Variants in ALPK2 observed in about 807,000 individuals in gnomAD.
ALPK2 encodes alpha-protein kinase 2.
Under a neutral mutation model 163.1 loss-of-function variants are expected in ALPK2, and 127 were observed. The ratio of observed to expected loss-of-function variants is 0.78; its 90% CI spans 0.67 to 0.90. The LOEUF is 0.90. Among genes scored for constraint, ALPK2 ranks in the 40% least tolerant of loss-of-function variants. The probability of loss-of-function intolerance (pLI) is 0.00; values close to 1 mark genes in which losing one functional copy is unlikely to be tolerated. For missense variants in ALPK2, 2,360 were observed against 2,589.6 expected (o/e 0.91, Z 1.92); for synonymous variants, 953 against 959.1 (o/e 0.99, Z 0.12).
In ALPK2 at chr18:58,535,970, A is replaced by G. The variant is rs1433911615; in HGVS notation, c.4217T>C (p.Ile1406Thr). ...PKILESSVDP[I>T]DEISVIEYTR... ...GTACTCTATCACACTTATCTCATCA[A>G]TGGGATCTACAGAGGACTCTAGGAT... Residue 1406 changes from isoleucine (I) to threonine (T), a missense_variant, in exon 5 of 13, where the codon ATT becomes ACT. Coordinates refer to ENST00000361673, the MANE Select transcript of ALPK2 (RefSeq NM_052947.4). The G allele has an allele frequency of 2.5e-6, 4 of 1,614,042 alleles. No individual in the cohort carries two copies. The highest frequency in any genetic ancestry group is 3.4e-6 in the Non-Finnish European group (4 of 1,180,024).
chr18:58,499,493 A>T (rs1027797138), intron 11 of ALPK2, among the ~76,000 whole-genome samples: 2 of 152,152 alleles, frequency 1.3e-5, no homozygotes, highest in African/African-American at 4.8e-5. Context: ...TGATGCCCAG[A>T]GTGTGGATTC....
At position 58,580,432 on chromosome 18, in the gene ALPK2, G is replaced by A; in HGVS notation, c.344C>T (p.Pro115Leu). ...ECSSENPQLS[P>L]NLEDDRDRGW... ...CCTGTCCCTGTCATCTTCCAGGTTA[G>A]GAGACAATTGTGGGTTCTCTGATGA... The change falls in exon 4 of 13, where the codon CCT becomes CTT. Residue 115 changes from proline to leucine, a missense_variant. Coordinates refer to ENST00000361673, the MANE Select transcript of ALPK2 (RefSeq NM_052947.4). 2 of 1,614,168 alleles carry A rather than the reference G, an allele frequency of 1.2e-6. No homozygotes were observed. The highest frequency in any genetic ancestry group is 1.7e-6 in the Non-Finnish European group (2 of 1,180,040).
At chr18:58,526,706 TTTC>T (rs1195842595) in intron 6 of ALPK2, among the ~76,000 whole-genome samples, 4 of 152,182 alleles carry the variant, frequency 2.6e-5, no homozygotes, top group Non-Finnish European at 5.9e-5. Flanking sequence ...AAGCTACCAC[TTTC>T]TTCTTCTTGG....
intron 4 of ALPK2, among the ~76,000 whole-genome samples, chr18:58,556,602 A>G (rs2051793935): frequency 6.6e-6 from 1 of 152,204 alleles, no homozygotes; most frequent in African/African-American, 2.4e-5. Context: ...AGGGTGGGGC[A>G]TATTTAATCC....
At chr18:58,605,694 G>A (rs1172365964) in intron 3 of ALPK2, among the ~76,000 whole-genome samples, 1 of 152,210 alleles carries the variant, frequency 6.6e-6, no homozygotes, top group African/African-American at 2.4e-5. Context: ...AGCTGAATGG[G>A]ATAAAGACGA....
chr18:58,610,667 C>T (rs539460146), intron 2 of ALPK2, among the ~76,000 whole-genome samples: 10 of 152,298 alleles, frequency 6.6e-5, no homozygotes, highest in East Asian at 1.9e-4. Flanking sequence ...TAGGGCCAGG[C>T]GCGGTGGCTC....
chr18:58,535,611 G>C lies in ALPK2; in HGVS notation c.4576C>G (p.Gln1526Glu), dbSNP rs1256729272. Residue 1526 changes from glutamine (Q) to glutamate (E), a missense_variant, in exon 5 of 13, where the codon CAA becomes GAA. Coordinates refer to ENST00000361673, the MANE Select transcript of ALPK2 (RefSeq NM_052947.4). ...SSDGSLGEAE[Q>E]SKKDKAELIS... is the part of the protein sequence containing the mutation. ...AATTCTGCTTTGTCCTTTTTGCTTTGCTCAGCCTCCCCTAAGCTCCCATCA... is the reference window on the plus strand; with the variant it reads ...AATTCTGCTTTGTCCTTTTTGCTTTCCTCAGCCTCCCCTAAGCTCCCATCA... The C allele has an allele frequency of 1.2e-6, 2 of 1,614,108 alleles. No individual in the cohort carries two copies. Among genetic ancestry groups the C allele is most frequent in the Admixed American group, 3.3e-5 (2 of 60,028 alleles).
intron 5 of ALPK2, among the ~76,000 whole-genome samples, chr18:58,533,151 G>T (rs910636006): frequency 1.3e-5 from 2 of 152,218 alleles, no homozygotes; most frequent in Non-Finnish European, 2.9e-5. Flanking sequence ...CCAGAAGGCG[G>T]CATGCTCGGT....
At position 58,503,934 on chromosome 18, in the gene ALPK2, G is replaced by C. The variant is rs770981553; in HGVS notation, c.6244C>G (p.Gln2082Glu). The change falls in exon 11 of 13, where the codon CAA becomes GAA. Residue 2082 changes from glutamine (Q) to glutamate (E), a missense_variant. By Grantham distance (29) the Gln-to-Glu change is conservative. Transcript: ENST00000361673. ...TSGCLLVTDM[Q>E]GVGMKLTDVG... ...TGGGCTAAGCTGCTTTCCTCACCTT[G>C]CATGTCCGTCACCAGGAGGCAGCCA... 6.2e-7 allele frequency: 1 copy of C among 1,612,454 alleles called. No homozygotes were observed. Among genetic ancestry groups the C allele is most frequent in the Non-Finnish European group, 8.5e-7 (1 of 1,179,110 alleles).
chr18:58,502,134 C>CCACACACACACACACACACA (rs71173056), intron 11 of ALPK2, among the ~76,000 whole-genome samples: 2 of 118,778 alleles, frequency 1.7e-5, no homozygotes, highest in Non-Finnish European at 3.3e-5. Flanking sequence ...AACCCCATCT[C>CCACACACACACACACACACA]CACACACACA....
At chr18:58,546,786 CT>C (rs1294298304) in intron 4 of ALPK2, among the ~76,000 whole-genome samples, 1 of 152,016 alleles carries the variant, frequency 6.6e-6, no homozygotes, top group African/African-American at 2.4e-5. Flanking sequence ...TGGGAGATTT[CT>C]GGGAAATGAG....
chr18:58,607,478 G>A, intron 2 of ALPK2, 39 bp from the exon 3 acceptor site: 1 of 1,249,092 alleles, frequency 8.0e-7, no homozygotes, highest in Admixed American at 2.5e-5. Context: ...ATTAGTTTAA[G>A]TATTTTTAGG....
chr18:58,490,417 G>A (rs191884436), intron 12 of ALPK2, among the ~76,000 whole-genome samples: 5 of 152,276 alleles, frequency 3.3e-5, no homozygotes, highest in Admixed American at 3.3e-4. Flanking sequence ...GGTGGTGCAG[G>A]TCAGATCTTG....
At chr18:58,528,890 C>A in intron 6 of ALPK2, 1 of 634,844 alleles carries the variant, frequency 1.6e-6, no homozygotes, top group Non-Finnish European at 2.6e-6. Context: ...TCTGGCAAAA[C>A]CTGGGCAAGA....
chr18:58,567,272 T>G (rs1166510913), intron 4 of ALPK2, among the ~76,000 whole-genome samples: 1 of 150,896 alleles, frequency 6.6e-6, no homozygotes, highest in African/African-American at 2.4e-5. Context: ...AGGTCCCAAC[T>G]ACTCGGAAGG....
chr18:58,526,604 A>G (rs1032223924), intron 6 of ALPK2, among the ~76,000 whole-genome samples: 4 of 152,242 alleles, frequency 2.6e-5, no homozygotes, highest in African/African-American at 4.8e-5. Context: ...CTGGTTACCA[A>G]GAAGGTACTG....
Position 58,535,079 on chromosome 18 carries a change from G to A in ALPK2, c.5108C>T (p.Thr1703Ile). Residue 1703 changes from threonine to isoleucine, a missense_variant, in exon 5 of 13, where the codon ACA becomes ATA. Transcript: ENST00000361673. Reference protein sequence around the residue: ...ARAGKSPGTLTAVTGSEEVKR... With the variant: ...ARAGKSPGTLIAVTGSEEVKR... ...GACCTCCTCTGACCCCGTCACTGCT[G>A]TGAGGGTCCCTGGCGATTTGCCTGC... The A allele has an allele frequency of 6.2e-7, 1 of 1,614,096 alleles. No individual in the cohort carries two copies. Among genetic ancestry groups the A allele is most frequent in the East Asian group, 2.2e-5 (1 of 44,864 alleles).
chr18:58,581,557 C>T (rs1032856415), intron 3 of ALPK2, among the ~76,000 whole-genome samples: 4 of 152,202 alleles, frequency 2.6e-5, no homozygotes, highest in African/African-American at 9.6e-5. Context: ...TGTGGCTCCT[C>T]CCATCATTGT....
rs749274220 is a variant in ALPK2 at position 58,516,870 on chromosome 18, C to T, written c.5940+38G>A. ...ATCTCGTCTTATCATGGGTGGTTCT[C>T]ACACCAGAAGTGACAGCCTTTGGGC... is the stretch of plus-strand genomic sequence containing the variant. On this transcript the variant is annotated intron_variant, in intron 9 of 12. Coordinates refer to ENST00000361673, the MANE Select transcript of ALPK2 (RefSeq NM_052947.4). 4 of 1,595,512 alleles carry T rather than the reference C, an allele frequency of 2.5e-6. No homozygotes were observed. In the African/African-American group the frequency reaches 5.4e-5, roughly 21 times the overall value.
Sources: gnomAD v4.1 joint callset for allele counts (sites outside exome capture counted in the v4.1 genomes callset) on GRCh38, gnomAD v4.1.1 for gene constraint, MANE v1.5 for transcripts, NCBI Gene and HGNC (gene_info 2026-07-23, HGNC 2026-07-21) for gene names.